Variants in SLIT2 observed in about 807,000 individuals in gnomAD.
SLIT2 encodes the protein slit homolog 2 protein.
SLIT2 carries 41 observed loss-of-function variants against 185.7 expected under a neutral mutation model. The ratio of observed to expected loss-of-function variants is 0.22; its 90% confidence interval spans 0.17 to 0.29. SLIT2 has a LOEUF of 0.29. Among genes scored for constraint, SLIT2 ranks in the 10% least tolerant of loss-of-function variants. The pLI, the probability that SLIT2 is intolerant of heterozygous loss-of-function variation, is 1.00. For synonymous variants in SLIT2, 693 were observed against 680.2 expected (o/e 1.02, Z -0.29); for missense variants, 1,571 against 1,909.0 (o/e 0.82, Z 3.30).
chr4:20,549,280 C>A, intron 24 of SLIT2, 152 bp downstream of exon 24: 2 of 560,490 alleles, frequency 3.6e-6, no homozygotes, highest in Non-Finnish European at 6.3e-6. Flanking sequence ...AAAATCATTT[C>A]TTACAGTATC....
intron 4 of SLIT2, among the ~76,000 whole-genome samples, chr4:20,391,860 C>T (rs1281989704): frequency 6.6e-6 from 1 of 152,010 alleles, no homozygotes; most frequent in African/African-American, 2.4e-5. Flanking sequence ...AAAAAGTCCT[C>T]AAAATGGATA....
chr4:20,415,261 A>C (rs1171482786), intron 4 of SLIT2, among the ~76,000 whole-genome samples: 1 of 152,124 alleles, frequency 6.6e-6, no homozygotes, highest in Non-Finnish European at 1.5e-5. Flanking sequence ...AATACAAAAA[A>C]TTAGCTGGGC....
rs186094528 is a variant in SLIT2, at chr4:20,495,405, T to C, written c.914+3506T>C. Among the ~76,000 whole-genome samples the C allele has an allele frequency of 2.0e-4, 30 of 152,214 alleles. No individual in the cohort carries two copies. The East Asian group carries it at 5.4e-3, about 28-fold the overall frequency. On this transcript the variant is annotated intron_variant, in intron 9 of 36. Transcript: ENST00000504154. ...GAGCGAATTGGTCAAATCCAGATCATAGGGAAGGGGAACAAAAAGCTGTTA... is the reference window on the plus strand; with the variant it reads ...GAGCGAATTGGTCAAATCCAGATCACAGGGAAGGGGAACAAAAAGCTGTTA...
intron 4 of SLIT2, among the ~76,000 whole-genome samples, chr4:20,339,118 AC>A (rs1259498738): frequency 6.6e-6 from 1 of 151,202 alleles, no homozygotes; most frequent in Non-Finnish European, 1.5e-5. Context: ...AAAAAGAAAG[AC>A]ATTGTAATGA....
intron 4 of SLIT2, among the ~76,000 whole-genome samples, chr4:20,453,731 A>G (rs1193406198): frequency 6.6e-6 from 1 of 152,226 alleles, no homozygotes; most frequent in South Asian, 2.1e-4. Flanking sequence ...GCAAACAGAA[A>G]TATGCAGTAT....
chr4:20,385,721 A>G (rs1430011315), intron 4 of SLIT2, among the ~76,000 whole-genome samples: 4 of 152,158 alleles, frequency 2.6e-5, no homozygotes, highest in Non-Finnish European at 4.4e-5. Flanking sequence ...AAAATTCAGG[A>G]TCTCTGATTA....
intron 4 of SLIT2, among the ~76,000 whole-genome samples, chr4:20,279,346 C>T (rs982828374): frequency 1.3e-5 from 2 of 152,216 alleles, no homozygotes; most frequent in African/African-American, 2.4e-5. Flanking sequence ...TCTACCGTAT[C>T]TCAAGCAAGC....
intron 4 of SLIT2, among the ~76,000 whole-genome samples, chr4:20,390,128 C>A (rs370320542): frequency 1.3e-5 from 2 of 152,188 alleles, no homozygotes; most frequent in East Asian, 3.9e-4. Flanking sequence ...CAATATATTT[C>A]TCTGCTAGAG....
intron 4 of SLIT2, among the ~76,000 whole-genome samples, chr4:20,310,061 C>T (rs1414012535): frequency 6.6e-6 from 1 of 151,888 alleles, no homozygotes; most frequent in Non-Finnish European, 1.5e-5. Context: ...GCGTCCGGCC[C>T]CTCTAGTCTC....
chr4:20,368,236 A>AG (rs1454324112), intron 4 of SLIT2, among the ~76,000 whole-genome samples: 2 of 147,672 alleles, frequency 1.4e-5, no homozygotes, highest in African/African-American at 4.9e-5. Flanking sequence ...AAAAAAAAAG[A>AG]AAAAAAAGAA....
At chr4:20,396,023 G>A (rs1481893414) in intron 4 of SLIT2, among the ~76,000 whole-genome samples, 1 of 151,694 alleles carries the variant, frequency 6.6e-6, no homozygotes. Flanking sequence ...ATATTTAAAA[G>A]TACCCCCCCA....
chr4:20,347,938 A>G (rs1388405580), intron 4 of SLIT2, among the ~76,000 whole-genome samples: 1 of 152,150 alleles, frequency 6.6e-6, no homozygotes, highest in Non-Finnish European at 1.5e-5. Flanking sequence ...AAGCAATATC[A>G]TTGTTTCATG....
At chr4:20,441,143 T>C (rs1729708593) in intron 4 of SLIT2, among the ~76,000 whole-genome samples, 1 of 152,136 alleles carries the variant, frequency 6.6e-6, no homozygotes, top group African/African-American at 2.4e-5. Context: ...AAATCCTCCC[T>C]CAACCAGGAA....
At chr4:20,286,843 G>T (rs1415977539) in intron 4 of SLIT2, among the ~76,000 whole-genome samples, 1 of 152,064 alleles carries the variant, frequency 6.6e-6, no homozygotes, top group African/African-American at 2.4e-5. Flanking sequence ...CTTGCCCAAA[G>T]ATCATTTTGT....
intron 4 of SLIT2, among the ~76,000 whole-genome samples, chr4:20,319,831 T>A (rs13121999): frequency 0.57 from 85,580 of 150,348 alleles, 24,981 homozygotes; most frequent in East Asian, 0.8. Context: ...ACAAAAACCA[T>A]AACATCCCCA....
chr4:20,536,489 C>T (rs1465099209), intron 18 of SLIT2, among the ~76,000 whole-genome samples: 1 of 137,636 alleles, frequency 7.3e-6, no homozygotes, highest in East Asian at 2.6e-4. Flanking sequence ...ACCCGGGAGG[C>T]GGAGGTTGCA....
At chr4:20,291,048 AT>A (rs573434665) in intron 4 of SLIT2, among the ~76,000 whole-genome samples, 6 of 149,810 alleles carry the variant, frequency 4.0e-5, no homozygotes, top group Non-Finnish European at 4.5e-5. Flanking sequence ...GCACCCAACT[AT>A]TTTTTTTTCA....
chr4:20,557,763 A>G (rs1560193801), intron 26 of SLIT2, among the ~76,000 whole-genome samples: 1 of 152,090 alleles, frequency 6.6e-6, no homozygotes, highest in Non-Finnish European at 1.5e-5. Context: ...AGTAAATTGA[A>G]ATCCTTCTGG....
At chr4:20,311,871 A>G (rs983629984) in intron 4 of SLIT2, among the ~76,000 whole-genome samples, 5 of 152,182 alleles carry the variant, frequency 3.3e-5, no homozygotes, top group African/African-American at 9.6e-5. Flanking sequence ...GGCTTTCAAT[A>G]TCAGTTCTAT....
Sources: allele counts gnomAD v4.1 joint callset (sites outside exome capture counted in the v4.1 genomes callset), GRCh38; gene constraint gnomAD v4.1.1; transcripts MANE v1.5; gene names NCBI Gene and HGNC (gene_info 2026-07-23, HGNC 2026-07-21).